B4GALNT4: variants seen among roughly 807,000 people sequenced by gnomAD.
B4GALNT4 encodes the protein beta-1,4-N-acetyl-galactosaminyltransferase 4, also known as N-acetyl-beta-glucosaminyl-glycoprotein 4-beta-N-acetylgalactosaminyltransferase 1.
B4GALNT4 carries 77 observed loss-of-function variants against 110.0 expected under a neutral mutation model. The ratio of observed to expected loss-of-function variants is 0.70; its 90% confidence interval spans 0.58 to 0.85. The LOEUF is 0.85. Ranked by LOEUF, B4GALNT4 falls within the 40% of genes least tolerant of loss-of-function variation. The pLI, the probability that B4GALNT4 is intolerant of heterozygous loss-of-function variation, is 0.00. For synonymous variants in B4GALNT4, 785 were observed against 655.5 expected, an observed-to-expected ratio of 1.20 and a Z score of -3.02; for missense variants, 1,575 against 1,506.0, an observed-to-expected ratio of 1.05 and a Z score of -0.76.
At chr11:379,731 A>T (rs1227488388) in intron 15 of B4GALNT4, 30 bp downstream of exon 15, 1 of 1,500,884 alleles carries the variant, frequency 6.7e-7, no homozygotes, top group African/African-American at 1.4e-5. Flanking sequence ...GGTGTCCGGG[A>T]GACCTCGTGG....
In B4GALNT4 at chr11:381,835, G is replaced by A. The variant is rs1310623176; in HGVS notation, c.*43G>A. ...CAGCCCCGGTGGGAGTCCCGAGGCA[G>A]CTGCTGGGGGCTGGGCTTTGAGCTC... On this transcript the variant is annotated 3_prime_UTR_variant, in exon 20 of 20. Coordinates refer to ENST00000329962, the MANE Select transcript of B4GALNT4 (RefSeq NM_178537.5). The A allele has an allele frequency of 3.3e-6, 5 of 1,524,948 alleles. No individual in the cohort carries two copies. Among genetic ancestry groups the A allele is most frequent in the African/African-American group, 1.4e-5 (1 of 69,474 alleles). The allele number at this position is 1,524,948 out of a possible 1,614,324, so 94.5% of individuals were successfully genotyped here.
At chr11:380,796 G>A (rs755047667) in intron 18 of B4GALNT4, 29 bp from the exon 19 acceptor site, 3 of 1,613,630 alleles carry the variant, frequency 1.9e-6, no homozygotes, top group African/African-American at 2.7e-5. Context: ...CTGGTCTGAA[G>A]GGTAGCACCC....
intron 7 of B4GALNT4, 72 bp downstream of exon 7, chr11:373,588 C>T: frequency 1.9e-6 from 3 of 1,555,306 alleles, no homozygotes; most frequent in African/African-American, 1.4e-5. Context: ...GTCTCCTTAT[C>T]CTGTGCACAC....
intron 19 of B4GALNT4, chr11:381,163 G>A: frequency 1.0e-6 from 1 of 984,784 alleles, no homozygotes. Context: ...TGCAAGGTCA[G>A]GGACATCCCT....
chr11:380,841 C>T lies in B4GALNT4; in HGVS notation c.2886C>T (p.Asn962=), dbSNP rs771790328. The change falls in exon 19 of 20, where the codon AAC becomes AAT. Residue 962 remains asparagine (N), a synonymous_variant. Transcript: ENST00000329962. ...PRDPHGYWEV[N]GFGLFGIYKS... Reference sequence around the variant, plus strand: ...CCGCCCCAGGTTACTGGGAGGTGAACGGCTTTGGCCTTTTTGGGATCTACA... The same window carrying T: ...CCGCCCCAGGTTACTGGGAGGTGAATGGCTTTGGCCTTTTTGGGATCTACA... 136 of 1,613,764 alleles carry T rather than the reference C, an allele frequency of 8.4e-5. 3 individuals carry two copies. In the South Asian group the frequency reaches 1.4e-3, roughly 17 times the overall value.
chr11:370,584 G>A (rs950337763), intron 1 of B4GALNT4, among the ~76,000 whole-genome samples: 3 of 152,200 alleles, frequency 2.0e-5, no homozygotes, highest in South Asian at 4.1e-4. Context: ...TGAGCCAGCC[G>A]GGGTAGGGCC....
intron 18 of B4GALNT4, 115 bp from the exon 19 acceptor site, chr11:380,710 C>G (rs1189881428): frequency 6.5e-7 from 1 of 1,538,206 alleles, no homozygotes. Flanking sequence ...CCGGAAGCCC[C>G]CGTGGTGATG....
In B4GALNT4 at chr11:380,402, G is replaced by C; in HGVS notation, c.2826G>C (p.Val942=). ...CVEGRLAFAP[V]VMRLSCGSSP... is the part of the protein sequence containing the mutation. ...AGGGCAGGCTGGCCTTCGCGCCCGTGGTCATGCGCCTGAGCTGCGGGAGCT... is the reference window on the plus strand; with the variant it reads ...AGGGCAGGCTGGCCTTCGCGCCCGTCGTCATGCGCCTGAGCTGCGGGAGCT... The change falls in exon 18 of 20, where the codon GTG becomes GTC. Residue 942 remains valine (V), a synonymous_variant. Coordinates refer to ENST00000329962, the MANE Select transcript of B4GALNT4 (RefSeq NM_178537.5). 6.2e-7 allele frequency: 1 copy of C among 1,612,384 alleles called. No homozygotes were observed. Among genetic ancestry groups the C allele is most frequent in the Non-Finnish European group, 8.5e-7 (1 of 1,179,540 alleles).
chr11:380,543 G>T, intron 18 of B4GALNT4, 98 bp downstream of exon 18: 1 of 1,465,876 alleles, frequency 6.8e-7, no homozygotes, highest in Non-Finnish European at 9.2e-7. Flanking sequence ...CCCAGGGGAG[G>T]CCTGGGAGTC....
intron 18 of B4GALNT4, 167 bp from the exon 19 acceptor site, chr11:380,658 C>A: frequency 7.7e-7 from 1 of 1,299,652 alleles, no homozygotes; most frequent in Non-Finnish European, 1.1e-6. Flanking sequence ...CGCGTTTATG[C>A]ACCGCGCTCC....
rs761551059 is a variant in B4GALNT4, at chr11:380,850, C to A, written c.2895C>A (p.Gly965=). The change falls in exon 19 of 20, where the codon GGC becomes GGA. Residue 965 remains glycine, a synonymous_variant. Transcript: ENST00000329962. ...PHGYWEVNGF[G]LFGIYKSDFD... ...GTTACTGGGAGGTGAACGGCTTTGG[C>A]CTTTTTGGGATCTACAAGTCGGACT... 2.2e-5 allele frequency: 35 copies of A among 1,613,684 alleles called. No individual in the cohort carries two copies. The Middle Eastern group carries it at 1.3e-3, about 61-fold the overall frequency.
intron 14 of B4GALNT4, among the ~76,000 whole-genome samples, chr11:377,666 C>T (rs530314533): frequency 6.6e-6 from 1 of 152,360 alleles, no homozygotes; most frequent in South Asian, 2.1e-4. Flanking sequence ...CAGTCGCATC[C>T]AGTTGCTGCG....
intron 1 of B4GALNT4, among the ~76,000 whole-genome samples, chr11:370,283 C>A (rs1014297923): frequency 6.6e-6 from 1 of 152,198 alleles, no homozygotes; most frequent in South Asian, 2.1e-4. Flanking sequence ...TGACGGTGGG[C>A]TCCTGGGGAA....
intron 14 of B4GALNT4, 141 bp downstream of exon 14, chr11:377,468 C>T: frequency 1.1e-6 from 1 of 929,364 alleles, no homozygotes; most frequent in South Asian, 2.3e-5. Context: ...GCACCGCGCC[C>T]CACCCCAGGG....
chr11:370,159 G>A (rs1846591851), intron 1 of B4GALNT4, among the ~76,000 whole-genome samples: 1 of 151,758 alleles, frequency 6.6e-6, no homozygotes. Context: ...TTTGGGGGGA[G>A]GGGGCGCGGT....
At position 376,150 on chromosome 11, in the gene B4GALNT4, G is replaced by A. The variant is rs1318493043; in HGVS notation, c.1172G>A (p.Arg391His). Residue 391 changes from arginine to histidine, a missense_variant, in exon 12 of 20, where the codon CGC (arginine) becomes CAC (histidine). Physicochemically the swap from Arg to His is conservative, Grantham distance 29. Transcript: ENST00000329962. ...GAGACGGACAACAAGTGCTTCTACC[G>A]CGAGTCTCCGCTGTATCTGGAGAGG... ...HMETDNKCFY[R>H]ESPLYLERFG... is the part of the protein sequence containing the mutation. 1.9e-6 allele frequency: 3 copies of A among 1,608,516 alleles called. No individual in the cohort carries two copies. The African/African-American group carries it at 4.1e-5, about 22-fold the overall frequency.
chr11:377,255 T>C lies in B4GALNT4; in HGVS notation c.2132T>C (p.Leu711Pro), dbSNP rs1846777313. 9 of 1,597,182 alleles carry C rather than the reference T, an allele frequency of 5.6e-6. No individual in the cohort carries two copies. The South Asian group carries it at 9.0e-5, about 16-fold the overall frequency. Residue 711 changes from leucine to proline, a missense_variant, in exon 14 of 20, where the codon CTG (leucine) becomes CCG (proline). Physicochemically the swap from Leu to Pro is moderately conservative, Grantham distance 98 (BLOSUM62 -3). Coordinates refer to ENST00000329962, the MANE Select transcript of B4GALNT4 (RefSeq NM_178537.5). ...CTGCGATGCAACGTTTCGGGGAACC[T>C]GCAGCTGCCGGAGGCGGAGGCCGTG... is the stretch of plus-strand genomic sequence containing the variant. ...NDLRCNVSGN[L>P]QLPEAEAVDV... is the part of the protein sequence containing the mutation.
chr11:374,413 G>GA (rs1335398445), intron 8 of B4GALNT4, among the ~76,000 whole-genome samples: 1 of 151,334 alleles, frequency 6.6e-6, no homozygotes, highest in Non-Finnish European at 1.5e-5. Context: ...TGGGTGTGGG[G>GA]GGCAGCACGA....
At position 380,460 on chromosome 11, in the gene B4GALNT4, GT is replaced by G. The variant is rs1564872958; in HGVS notation, c.2869+16del. On this transcript the variant is annotated intron_variant, in intron 18 of 19. Transcript: ENST00000329962. ...GGACCCCCACGGTGAGGCCCCGAGCGTCCCACCCTGTGATACCAGGGTTCCC... is the reference window on the plus strand; with the variant it reads ...GGACCCCCACGGTGAGGCCCCGAGCGCCCACCCTGTGATACCAGGGTTCCC... 2.5e-6 allele frequency: 4 copies of G among 1,571,866 alleles called. No individual in the cohort carries two copies. The highest frequency in any genetic ancestry group is 3.4e-6 in the Non-Finnish European group (4 of 1,161,490).
Sources: gnomAD v4.1 joint callset for allele counts (sites outside exome capture counted in the v4.1 genomes callset) on GRCh38, gnomAD v4.1.1 for gene constraint, MANE v1.5 for transcripts, NCBI Gene and HGNC (gene_info 2026-07-23, HGNC 2026-07-21) for gene names.